The following CPLANE1 variants were observed in gnomAD, a reference collection of about 807,000 sequenced individuals.
CPLANE1 encodes the protein ciliogenesis and planar polarity effector complex subunit 1.
A neutral mutation model predicts 362.5 loss-of-function variants in CPLANE1; 263 were observed. The observed-to-expected ratio is 0.73, with a 90% CI of 0.66 to 0.80. The LOEUF (loss-of-function observed/expected upper bound fraction) is 0.80. CPLANE1 is among the 30% of genes least tolerant of loss of function. The pLI, the probability that CPLANE1 is intolerant of heterozygous loss-of-function variation, is 0.00. For missense variants in CPLANE1, 3,461 were observed against 3,793.4 expected, an observed-to-expected ratio of 0.91 and a Z score of 2.30; for synonymous variants, 1,212 against 1,302.6, an observed-to-expected ratio of 0.93 and a Z score of 1.50.
At chr5:37,227,197 T>A (rs1428060725) in intron 11 of CPLANE1, 46 bp downstream of exon 11, 6 of 1,533,304 alleles carry the variant, frequency 3.9e-6, no homozygotes, top group Non-Finnish European at 1.8e-6. Context: ...TTTCTTGGAA[T>A]AAAGTCATAA....
rs745763512 is a variant in CPLANE1, at chr5:37,162,615, T to C, written c.7589-49A>G. On this transcript the variant is annotated intron_variant, in intron 37 of 52. Transcript: ENST00000651892. The stretch of plus-strand genomic sequence containing the variant: ...AGTAATCATTGAGAAGCTAACAGAT[T>C]ACCAGGAGCCCAGCAGCACAGTACC... 4.8e-5 allele frequency: 63 copies of C among 1,317,254 alleles called. 1 individual carries two copies. In the South Asian group the frequency reaches 7.5e-4, roughly 16 times the overall value. 81.6% of individuals were successfully genotyped at this position (1,317,254 alleles called of 1,614,324 possible).
intron 30 of CPLANE1, among the ~76,000 whole-genome samples, chr5:37,176,261 T>C (rs983334359): frequency 1.3e-5 from 2 of 152,074 alleles, no homozygotes; most frequent in East Asian, 1.9e-4. Context: ...TGAGGGGACA[T>C]GAGGTTAGTT....
intron 16 of CPLANE1, chr5:37,211,149 C>T (rs1191689704): frequency 8.2e-7 from 1 of 1,225,554 alleles, no homozygotes; most frequent in African/African-American, 1.5e-5. Context: ...TCCTTTTAAA[C>T]AGGAAAAAGT....
At chr5:37,205,113 C>T (rs903594406) in intron 18 of CPLANE1, 2 of 305,322 alleles carry the variant, frequency 6.6e-6, no homozygotes, top group Non-Finnish European at 1.1e-5. Flanking sequence ...GCTAAGATCA[C>T]GCCACTGCAC....
chr5:37,217,356 A>G (rs1021411811), intron 15 of CPLANE1, among the ~76,000 whole-genome samples: 7 of 152,224 alleles, frequency 4.6e-5, no homozygotes, highest in Non-Finnish European at 7.3e-5. Flanking sequence ...CTGTAATCCC[A>G]GCACTTTGGG....
chr5:37,138,692 G>T, intron 46 of CPLANE1, 28 bp downstream of exon 46: 1 of 1,590,310 alleles, frequency 6.3e-7, no homozygotes, highest in Non-Finnish European at 8.5e-7. Flanking sequence ...ATTTTAAACA[G>T]GTTAAAAATG....
At chr5:37,120,555 G>T (rs1018612626) in intron 49 of CPLANE1, among the ~76,000 whole-genome samples, 1 of 152,164 alleles carries the variant, frequency 6.6e-6, no homozygotes, top group African/African-American at 2.4e-5. Context: ...ACTCCAGCCT[G>T]GGTGACAGAG....
At chr5:37,212,385 T>C (rs1792863761) in intron 16 of CPLANE1, 7 of 808,908 alleles carry the variant, frequency 8.7e-6, no homozygotes, top group Middle Eastern at 2.5e-4. Context: ...TTGGTAACCA[T>C]GTTTGCTGCC....
At chr5:37,193,914 C>CT (rs914550229) in intron 21 of CPLANE1, among the ~76,000 whole-genome samples, 5 of 147,230 alleles carry the variant, frequency 3.4e-5, no homozygotes, top group African/African-American at 7.6e-5. Flanking sequence ...CAGAAAGGAA[C>CT]TTTTTTTTTC....
chr5:37,191,655 A>G (rs1466850917), intron 21 of CPLANE1, among the ~76,000 whole-genome samples: 2 of 152,168 alleles, frequency 1.3e-5, no homozygotes, highest in African/African-American at 2.4e-5. Context: ...TGGGCAACAG[A>G]GACCCCATCT....
Position 37,153,887 on chromosome 5 carries a change from A to AG in CPLANE1, c.8225dup (p.Ala2743CysfsTer15). 6.2e-7 allele frequency: 1 copy of AG among 1,614,142 alleles called. No individual in the cohort carries two copies. On this transcript the variant is annotated frameshift_variant, in exon 42 of 53. Coordinates refer to ENST00000651892, the MANE Select transcript of CPLANE1 (RefSeq NM_001384732.1). LOFTEE classifies it high-confidence loss of function. ...GTTGGTGAGCTGCAGAGCTTGGTGC[A>AG]GGGCAAGCTGCAGAGACACCTTGCA...
At chr5:37,232,969 A>G (rs368289918) in intron 8 of CPLANE1, among the ~76,000 whole-genome samples, 1 of 152,156 alleles carries the variant, frequency 6.6e-6, no homozygotes, top group African/African-American at 2.4e-5. Context: ...AAGTAAGACT[A>G]AGAGTGGGAA....
At chr5:37,249,008 C>G (rs1168184153) in intron 1 of CPLANE1, among the ~76,000 whole-genome samples, 1 of 152,342 alleles carries the variant, frequency 6.6e-6, no homozygotes, top group Admixed American at 6.5e-5. Flanking sequence ...CCCCTTGGGG[C>G]TCCCGCGCTC....
intron 33 of CPLANE1, 37 bp downstream of exon 33, chr5:37,170,004 C>T (rs768253908): frequency 1.5e-5 from 24 of 1,586,248 alleles, no homozygotes; most frequent in Non-Finnish European, 2.0e-5. Context: ...CATGAGCCAC[C>T]GCGCCCAGCC....
At chr5:37,111,415 C>T (rs1422425707) in intron 51 of CPLANE1, among the ~76,000 whole-genome samples, 6 of 152,158 alleles carry the variant, frequency 3.9e-5, no homozygotes, top group Non-Finnish European at 7.3e-5. Flanking sequence ...CGTGAGCCAC[C>T]GTGCCCGGCC....
intron 21 of CPLANE1, among the ~76,000 whole-genome samples, chr5:37,192,477 C>T (rs773263985): frequency 2.6e-5 from 4 of 152,066 alleles, no homozygotes; most frequent in African/African-American, 9.7e-5. Context: ...TTTCTTAGGA[C>T]GTAGCCCCAT....
At chr5:37,197,968 T>C (rs561159039) in intron 20 of CPLANE1, among the ~76,000 whole-genome samples, 57 of 152,294 alleles carry the variant, frequency 3.7e-4, no homozygotes, top group African/African-American at 1.3e-3. Flanking sequence ...TTATCAAAGT[T>C]ATCTAAAAGT....
chr5:37,076,974 A>T, the CPLANE1 span, among the ~76,000 whole-genome samples: 1 of 151,498 alleles, frequency 6.6e-6, no homozygotes, highest in Non-Finnish European at 1.5e-5. Context: ...GGGCCAGAAA[A>T]TATTTTAGGC....
intron 43 of CPLANE1, among the ~76,000 whole-genome samples, chr5:37,144,453 T>C (rs913534597): frequency 1.1e-4 from 15 of 138,794 alleles, no homozygotes; most frequent in African/African-American, 4.0e-4. Flanking sequence ...TGGGCAACAA[T>C]AGCAGAGAAG....
Sources: gnomAD v4.1 joint callset for allele counts (sites outside exome capture counted in the v4.1 genomes callset) on GRCh38, gnomAD v4.1.1 for gene constraint, MANE v1.5 for transcripts, NCBI Gene and HGNC (gene_info 2026-07-23, HGNC 2026-07-21) for gene names.